Variants in ADK observed in about 807,000 individuals in gnomAD.
ADK encodes adenosine kinase, also known as N6,N6-dimethyladenosine kinase.
ADK carries 24 observed loss-of-function variants against 44.7 expected under a neutral mutation model. The observed-to-expected ratio is 0.54, with a 90% confidence interval of 0.39 to 0.76. ADK has a LOEUF of 0.76. Among genes scored for constraint, ADK ranks in the 30% least tolerant of loss-of-function variants. The pLI is 0.00. For missense variants in ADK, 321 were observed against 425.1 expected, an observed-to-expected ratio of 0.76 and a Z score of 2.15; for synonymous variants, 128 against 142.6, an observed-to-expected ratio of 0.90 and a Z score of 0.73.
intron 7 of ADK, among the ~76,000 whole-genome samples, chr10:74,529,110 C>G (rs1162030392): frequency 6.6e-6 from 1 of 152,082 alleles, no homozygotes; most frequent in Non-Finnish European, 1.5e-5. Flanking sequence ...AGAAGCAAAT[C>G]AAATATTCAT....
intron 6 of ADK, among the ~76,000 whole-genome samples, chr10:74,463,277 T>G (rs1359857185): frequency 6.6e-6 from 1 of 152,112 alleles, no homozygotes; most frequent in Non-Finnish European, 1.5e-5. Context: ...TTTCTGTTAT[T>G]ATTACAGTAT....
At chr10:74,228,243 T>A (rs1844621930) in intron 3 of ADK, among the ~76,000 whole-genome samples, 1 of 152,200 alleles carries the variant, frequency 6.6e-6, no homozygotes, top group African/African-American at 2.4e-5. Flanking sequence ...CACTTGTTTT[T>A]CTAAGCAAAG....
intron 6 of ADK, among the ~76,000 whole-genome samples, chr10:74,464,400 A>T (rs1269846810): frequency 6.6e-6 from 1 of 151,292 alleles, no homozygotes; most frequent in Admixed American, 6.6e-5. Flanking sequence ...TAAAAAAAAA[A>T]ATTACCTGGA....
chr10:74,622,717 C>T (rs537767034), intron 9 of ADK, among the ~76,000 whole-genome samples: 3 of 152,194 alleles, frequency 2.0e-5, no homozygotes, highest in African/African-American at 4.8e-5. Flanking sequence ...TAGATTAGAA[C>T]CCAGCCTCGG....
chr10:74,657,546 A>G (rs562768661), intron 9 of ADK, among the ~76,000 whole-genome samples: 1 of 152,354 alleles, frequency 6.6e-6, no homozygotes, highest in Admixed American at 6.5e-5. Context: ...AATATAGTAC[A>G]GTTATTTACT....
chr10:74,404,319 T>C (rs1843830649), intron 6 of ADK, among the ~76,000 whole-genome samples: 1 of 152,140 alleles, frequency 6.6e-6, no homozygotes, highest in South Asian at 2.1e-4. Context: ...TTAAAAGACT[T>C]AATAAGAAAA....
intron 6 of ADK, chr10:74,506,295 T>C (rs1848072960): frequency 4.2e-6 from 1 of 239,972 alleles, no homozygotes; most frequent in Non-Finnish European, 8.3e-6. Flanking sequence ...TATCTTGAAA[T>C]GGTGGGCAAC....
At chr10:74,252,604 G>A (rs537866395) in intron 3 of ADK, among the ~76,000 whole-genome samples, 1 of 152,292 alleles carries the variant, frequency 6.6e-6, no homozygotes, top group South Asian at 2.1e-4. Flanking sequence ...TATGTTAAAG[G>A]TAGCAAAGTG....
At chr10:74,485,462 A>AAAATAAATAAAT (rs200618866) in intron 6 of ADK, among the ~76,000 whole-genome samples, 223 of 144,024 alleles carry the variant, frequency 1.5e-3, no homozygotes, top group African/African-American at 4.9e-3. Context: ...ACCCTGTCTC[A>AAAATAAATAAAT]AAATAAATAA....
At chr10:74,599,489 C>T (rs1021272770) in intron 8 of ADK, among the ~76,000 whole-genome samples, 1 of 152,128 alleles carries the variant, frequency 6.6e-6, no homozygotes, top group Non-Finnish European at 1.5e-5. Flanking sequence ...ATAGGTGTTT[C>T]TTTCTCTATA....
rs369868036 is a variant in ADK at position 74,207,210 on chromosome 10, A to G, written c.140+6372A>G. The stretch of plus-strand genomic sequence containing the variant: ...GAACCCACGTCTGGACGAGGATAAT[A>G]TGGTGGTGCCCAGAAGCTTGGAGAC... On this transcript the variant is annotated intron_variant, in intron 2 of 10. Coordinates refer to ENST00000539909, the MANE Select transcript of ADK (RefSeq NM_006721.4). Among the ~76,000 whole-genome samples the G allele has an allele frequency of 3.7e-4, 57 of 152,238 alleles. 2 individuals are homozygous for G. The highest frequency in any genetic ancestry group is 1.3e-3 in the African/African-American group (56 of 41,550).
At chr10:74,323,407 C>T (rs951640521) in intron 4 of ADK, among the ~76,000 whole-genome samples, 2 of 152,056 alleles carry the variant, frequency 1.3e-5, no homozygotes, top group African/African-American at 2.4e-5. Flanking sequence ...GACTTACGTT[C>T]GAATTAATAC....
intron 6 of ADK, among the ~76,000 whole-genome samples, chr10:74,458,440 A>T (rs181886694): frequency 2.2e-4 from 34 of 151,576 alleles, no homozygotes; most frequent in Admixed American, 1.1e-3. Context: ...TGCCTGACCC[A>T]GTGAAACATT....
intron 2 of ADK, among the ~76,000 whole-genome samples, chr10:74,201,816 A>G (rs1023452578): frequency 1.4e-4 from 22 of 152,030 alleles, no homozygotes; most frequent in Admixed American, 2.6e-4. Flanking sequence ...GCACTACTAT[A>G]TGGCAAATTT....
chr10:74,260,895 C>T (rs2132372320), intron 3 of ADK, among the ~76,000 whole-genome samples: 1 of 152,258 alleles, frequency 6.6e-6, no homozygotes, highest in East Asian at 1.9e-4. Flanking sequence ...CCTGGGTTCT[C>T]CAGAAGCGGC....
At position 74,698,960 on chromosome 10, in the gene ADK, C is replaced by T. The variant is rs201130199; in HGVS notation, c.965-9361C>T. Among the ~76,000 whole-genome samples the T allele has an allele frequency of 4.6e-5, 7 of 151,950 alleles. No homozygotes were observed. The East Asian group carries it at 1.4e-3, about 29-fold the overall frequency. On this transcript the variant is annotated intron_variant, in intron 10 of 10. Coordinates refer to ENST00000539909, the MANE Select transcript of ADK (RefSeq NM_006721.4). The stretch of plus-strand genomic sequence containing the variant: ...CCTCCCACCTCAAGCAGTCCTTCCA[C>T]CTCAGCCTCCCAAGTAGCTGGGATT...
In ADK at chr10:74,598,440, C is replaced by CTTTTTTTTTTTTTTTTTTTTTTTTTTTTT. The variant is rs367982701; in HGVS notation, c.763-1939_763-1938insTTTTTTTTTTTTTTTTTTTTTTTTTTTTT. Among the ~76,000 whole-genome samples the CTTTTTTTTTTTTTTTTTTTTTTTTTTTTT allele has an allele frequency of 1.8e-5, 2 of 114,072 alleles. 1 individual carries two copies. The allele number at this position is 114,072 out of a possible 152,430, so 74.8% of individuals were successfully genotyped here. On this transcript the variant is annotated intron_variant, in intron 8 of 10. Coordinates refer to ENST00000539909, the MANE Select transcript of ADK (RefSeq NM_006721.4). ...TAGAAAGCAACCATGGAATCTTATTCCTTTTTTTTTTTTTTTTTTTTTTTT... is the reference window on the plus strand; with the variant it reads ...TAGAAAGCAACCATGGAATCTTATTCTTTTTTTTTTTTTTTTTTTTTTTTTTTTTCTTTTTTTTTTTTTTTTTTTTTTTT...
intron 4 of ADK, among the ~76,000 whole-genome samples, chr10:74,373,036 T>C (rs1024831918): frequency 6.6e-6 from 1 of 152,118 alleles, no homozygotes; most frequent in African/African-American, 2.4e-5. Context: ...TTCACATTTA[T>C]GGTAACCTGT....
chr10:74,217,999 G>A (rs1844131891), intron 2 of ADK, among the ~76,000 whole-genome samples: 1 of 152,176 alleles, frequency 6.6e-6, no homozygotes, highest in African/African-American at 2.4e-5. Flanking sequence ...TTCCTCACCA[G>A]CAATGGAACA....
Sources: allele counts gnomAD v4.1 joint callset (sites outside exome capture counted in the v4.1 genomes callset), GRCh38; gene constraint gnomAD v4.1.1; transcripts MANE v1.5; gene names NCBI Gene and HGNC (gene_info 2026-07-23, HGNC 2026-07-21).